SAMD5: variants seen among roughly 807,000 people sequenced by gnomAD.
SAMD5 encodes sterile alpha motif domain containing 5.
A neutral mutation model predicts 11.3 loss-of-function variants in SAMD5; 13 were observed. The ratio of observed to expected loss-of-function variants is 1.15; its 90% confidence interval spans 0.75 to 1.83. The LOEUF is 1.83. SAMD5 is among the 40% of genes most tolerant of loss of function. The pLI, the probability that SAMD5 is intolerant of heterozygous loss-of-function variation, is 0.00. For missense variants in SAMD5, 255 were observed against 239.1 expected, an observed-to-expected ratio of 1.07 and a Z score of -0.44; for synonymous variants, 129 against 111.3, an observed-to-expected ratio of 1.16 and a Z score of -1.00.
At chr6:147,800,123 C>G in the SAMD5 span, among the ~76,000 whole-genome samples, 4 of 152,316 alleles carry the variant, frequency 2.6e-5, no homozygotes, top group African/African-American at 9.6e-5. Context: ...GAACTGCATT[C>G]CTTTGGAGGA....
rs143375174 is a variant in SAMD5, at chr6:147,602,237, T to C, written c.162+92850T>C. On this transcript the variant is annotated intron_variant, in intron 1 of 1. Coordinates refer to the SAMD5 transcript ENST00000566741. Reference sequence around the variant, plus strand: ...GCTAAAGAATGAAAGTGTGTCATTTTTGACATAACATTTTCAATTCTAAAC... The same window carrying C: ...GCTAAAGAATGAAAGTGTGTCATTTCTGACATAACATTTTCAATTCTAAAC... Among the ~76,000 whole-genome samples the C allele has an allele frequency of 2.6e-4, 39 of 152,360 alleles. No individual in the cohort carries two copies. In the East Asian group the frequency reaches 6.9e-3, roughly 27 times the overall value.
At chr6:147,608,334 G>A (rs1429782390) in intron 1 of SAMD5, among the ~76,000 whole-genome samples, 1 of 152,218 alleles carries the variant, frequency 6.6e-6, no homozygotes, top group Non-Finnish European at 1.5e-5. Context: ...AGAGATCTCT[G>A]CATTCCTATA....
intron 1 of SAMD5, among the ~76,000 whole-genome samples, chr6:147,719,904 C>T (rs547424385): frequency 6.6e-5 from 10 of 152,158 alleles, no homozygotes; most frequent in African/African-American, 9.6e-5. Flanking sequence ...ATGAATAATC[C>T]GGGAAGATGC....
chr6:147,534,669 G>A (rs1380376527), intron 1 of SAMD5, among the ~76,000 whole-genome samples: 2 of 152,110 alleles, frequency 1.3e-5, no homozygotes, highest in African/African-American at 4.8e-5. Context: ...GTTCCTGGGT[G>A]GGGGCCGCAA....
the SAMD5 span, among the ~76,000 whole-genome samples, chr6:147,914,641 G>C: frequency 6.6e-6 from 1 of 152,094 alleles, no homozygotes; most frequent in Non-Finnish European, 1.5e-5. Context: ...TAAATGTAGG[G>C]GAAAATTTTG....
intron 1 of SAMD5, among the ~76,000 whole-genome samples, chr6:147,684,102 C>G (rs1790976152): frequency 6.6e-6 from 1 of 152,020 alleles, no homozygotes; most frequent in Admixed American, 6.6e-5. Context: ...GAAGCCCCTG[C>G]TTGGTCCCCT....
chr6:147,953,304 TC>T, the SAMD5 span: 1 of 152,136 alleles, frequency 6.6e-6, no homozygotes, highest in South Asian at 2.1e-4. Context: ...TTTTTTTTTT[TC>T]TCTTTCTTCC....
intron 1 of SAMD5, among the ~76,000 whole-genome samples, chr6:147,724,608 A>G (rs1028108710): frequency 7.2e-5 from 11 of 152,122 alleles, no homozygotes; most frequent in African/African-American, 2.2e-4. Context: ...AAGTCACCTT[A>G]TCCTGGCCCC....
chr6:147,509,075 C>T lies in SAMD5; in HGVS notation c.147C>T (p.Pro49=). 1 of 1,599,598 alleles carries T rather than the reference C, an allele frequency of 6.3e-7. No individual in the cohort carries two copies. The highest frequency in any genetic ancestry group is 8.5e-7 in the Non-Finnish European group (1 of 1,174,404). The change falls in exon 1 of 2, where the codon CCC becomes CCT. Residue 49 remains proline, a synonymous_variant. Coordinates refer to ENST00000367474, the MANE Select transcript of SAMD5 (RefSeq NM_001030060.3). ...TGGATGCCATCGGGGTGCTGGCGCC[C>T]GCGCACCGCCGCCGTATCCTGGAGG... The part of the protein sequence containing the change: ...PDLDAIGVLA[P]AHRRRILEAV...
At position 147,584,132 on chromosome 6, in the gene SAMD5, C is replaced by T. The variant is rs1381217142; in HGVS notation, c.162+74745C>T. On this transcript the variant is annotated intron_variant, in intron 1 of 1. Transcript: ENST00000566741. ...TATCTCTGATTGGTGTGACTATAGG[C>T]ATTTTTATTATTTTTCCTTTATTAG... 2.0e-5 allele frequency among the ~76,000 whole-genome samples: 3 copies of T among 152,010 alleles called. No homozygotes were observed. The East Asian group carries it at 5.8e-4, about 29-fold the overall frequency.
the SAMD5 span, among the ~76,000 whole-genome samples, chr6:147,779,787 C>CTG: frequency 6.6e-6 from 1 of 152,230 alleles, no homozygotes; most frequent in Non-Finnish European, 1.5e-5. Flanking sequence ...CATTTGCCAG[C>CTG]TGTGTGGCTT....
chr6:147,513,194 T>C (rs13220208), intron 1 of SAMD5, among the ~76,000 whole-genome samples: 8,482 of 152,272 alleles, frequency 0.056, 301 homozygotes, highest in Admixed American at 0.088. Context: ...AGAAGTCATG[T>C]TAAAGAATTT....
chr6:147,515,016 C>A (rs146205378), intron 1 of SAMD5, among the ~76,000 whole-genome samples: 141 of 152,088 alleles, frequency 9.3e-4, no homozygotes, highest in African/African-American at 3.3e-3. Context: ...GGAGTTTTGC[C>A]TTGTGTGTTG....
the SAMD5 span, among the ~76,000 whole-genome samples, chr6:147,932,311 C>T: frequency 6.6e-6 from 1 of 152,036 alleles, no homozygotes; most frequent in Non-Finnish European, 1.5e-5. Flanking sequence ...CCAGGGGGTT[C>T]CAGCTGATCA....
At chr6:147,877,890 G>GCT in the SAMD5 span, among the ~76,000 whole-genome samples, 13 of 42,316 alleles carry the variant, frequency 3.1e-4, no homozygotes, top group East Asian at 8.7e-4. Context: ...ACGATAGATA[G>GCT]ATAGCTAGAT....
At chr6:147,693,355 C>A (rs1791130404) in intron 1 of SAMD5, among the ~76,000 whole-genome samples, 1 of 152,182 alleles carries the variant, frequency 6.6e-6, no homozygotes, top group African/African-American at 2.4e-5. Flanking sequence ...CTGCATCCTG[C>A]ACGCAGCTGT....
At chr6:147,626,778 A>T (rs1372180904) in intron 1 of SAMD5, among the ~76,000 whole-genome samples, 1 of 130,404 alleles carries the variant, frequency 7.7e-6, no homozygotes, top group Admixed American at 8.3e-5. Context: ...ACATAACGAG[A>T]CACTGTTTCT....
At chr6:147,803,993 AC>A in the SAMD5 span, among the ~76,000 whole-genome samples, 1 of 152,128 alleles carries the variant, frequency 6.6e-6, no homozygotes, top group Non-Finnish European at 1.5e-5. Context: ...CTTAGGTGCC[AC>A]TACCTTGGGA....
the SAMD5 span, among the ~76,000 whole-genome samples, chr6:147,840,330 A>AT: frequency 6.6e-6 from 1 of 152,254 alleles, no homozygotes; most frequent in African/African-American, 2.4e-5. Flanking sequence ...GGTGAAACAT[A>AT]TACAATCTTT....
Sources: gnomAD v4.1 joint callset for allele counts (sites outside exome capture counted in the v4.1 genomes callset) on GRCh38, gnomAD v4.1.1 for gene constraint, MANE v1.5 for transcripts, NCBI Gene and HGNC (gene_info 2026-07-23, HGNC 2026-07-21) for gene names.